Variants in KIFC3 observed in about 807,000 individuals in gnomAD.
KIFC3 encodes kinesin-like protein KIFC3.
Under a neutral mutation model 101.8 loss-of-function variants are expected in KIFC3, and 60 were observed. The ratio of observed to expected loss-of-function variants is 0.59; its 90% CI spans 0.48 to 0.73. KIFC3 has a LOEUF of 0.73. Among genes scored for constraint, KIFC3 ranks in the 30% least tolerant of loss-of-function variants. The probability of loss-of-function intolerance (pLI) is 0.00; values close to 1 mark genes in which losing one functional copy is unlikely to be tolerated. For synonymous variants in KIFC3, 476 were observed against 482.7 expected (o/e 0.99, Z 0.18); for missense variants, 966 against 1,137.1 (o/e 0.85, Z 2.16).
intron 3 of KIFC3, chr16:57,785,422 T>C (rs528159609): frequency 3.2e-4 from 395 of 1,227,160 alleles, no homozygotes; most frequent in African/African-American, 3.0e-3. Flanking sequence ...ACCTGCTCCA[T>C]AGTGGGCAGT....
intron 1 of KIFC3, among the ~76,000 whole-genome samples, chr16:57,842,499 C>T (rs1410651446): frequency 6.6e-6 from 1 of 152,196 alleles, no homozygotes; most frequent in Non-Finnish European, 1.5e-5. Flanking sequence ...GCCTCAGGCT[C>T]CACCATTTTA....
At chr16:57,831,321 C>T (rs1447717027) in intron 1 of KIFC3, among the ~76,000 whole-genome samples, 1 of 152,188 alleles carries the variant, frequency 6.6e-6, no homozygotes, top group Non-Finnish European at 1.5e-5. Flanking sequence ...CAACTCCCAC[C>T]CAGCGCCTTC....
chr16:57,759,640 A>G (rs2049579907), intron 18 of KIFC3, 88 bp downstream of exon 18: 2 of 995,984 alleles, frequency 2.0e-6, no homozygotes, highest in Non-Finnish European at 3.0e-6. Flanking sequence ...TAAAAAGGAA[A>G]GAAAAGAGAA....
At chr16:57,791,658 A>G (rs1225310244) in intron 3 of KIFC3, among the ~76,000 whole-genome samples, 1 of 152,178 alleles carries the variant, frequency 6.6e-6, no homozygotes, top group African/African-American at 2.4e-5. Flanking sequence ...AGAGATCTTC[A>G]GTAGATCTGC....
At chr16:57,851,086 C>G (rs775809452) in intron 1 of KIFC3, among the ~76,000 whole-genome samples, 1 of 151,976 alleles carries the variant, frequency 6.6e-6, no homozygotes, top group Non-Finnish European at 1.5e-5. Context: ...TCACCGCTCA[C>G]TGCAGCCTCA....
intron 1 of KIFC3, chr16:57,816,235 C>T (rs559119936): frequency 4.7e-6 from 6 of 1,288,528 alleles, no homozygotes; most frequent in African/African-American, 1.5e-5. Context: ...AAAACCGAGG[C>T]CCGGAAAGTG....
At chr16:57,775,326 G>C (rs2149019952) in intron 3 of KIFC3, 1 of 1,182,536 alleles carries the variant, frequency 8.5e-7, no homozygotes, top group East Asian at 4.0e-5. Context: ...CAAAGCAGGG[G>C]GAATGTGACT....
chr16:57,795,014 G>C lies in KIFC3; in HGVS notation c.300C>G (p.Leu100=). 6.3e-7 allele frequency: 1 copy of C among 1,592,532 alleles called. No homozygotes were observed. The highest frequency in any genetic ancestry group is 8.5e-7 in the Non-Finnish European group (1 of 1,172,962). Residue 100 remains leucine (L), a synonymous_variant, in exon 3 of 20, where the codon CTC becomes CTG. Transcript: ENST00000445690. The part of the protein sequence containing the change: ...DWAGPGSPHG[L]YLTLQVEHLK... ...CAGTGCTTACCTGCAGGGTCAGGTA[G>C]AGCCCGTGGGGGCTTCCGGGGCCAG... is the stretch of plus-strand genomic sequence containing the variant.
intron 1 of KIFC3, among the ~76,000 whole-genome samples, chr16:57,858,156 G>T (rs1167562393): frequency 6.6e-6 from 1 of 151,962 alleles, no homozygotes; most frequent in Non-Finnish European, 1.5e-5. Flanking sequence ...TGGGCATTTG[G>T]GTTGTTTCCA....
At chr16:57,783,472 C>CTTTTTTTTTTTTTTTTTT (rs146386887) in intron 3 of KIFC3, among the ~76,000 whole-genome samples, 1 of 82,624 alleles carries the variant, frequency 1.2e-5, no homozygotes, top group African/African-American at 3.5e-5. Flanking sequence ...ATTTTCTTTT[C>CTTTTTTTTTTTTTTTTTT]TTTTTTTTTT....
chr16:57,764,355 A>G (rs1223155738), intron 11 of KIFC3, 108 bp from the exon 12 acceptor site: 9 of 653,776 alleles, frequency 1.4e-5, no homozygotes, highest in Non-Finnish European at 2.2e-5. Context: ...CAGCAACACC[A>G]CATCACGTGT....
intron 3 of KIFC3, among the ~76,000 whole-genome samples, chr16:57,780,354 T>C (rs1193211648): frequency 2.0e-5 from 3 of 151,832 alleles, no homozygotes; most frequent in African/African-American, 7.3e-5. Flanking sequence ...CTACTAAAAA[T>C]ACAAAAATTA....
chr16:57,784,469 C>G (rs530498061), intron 3 of KIFC3, among the ~76,000 whole-genome samples: 2 of 152,332 alleles, frequency 1.3e-5, no homozygotes, highest in East Asian at 3.9e-4. Context: ...AAAACGCGCA[C>G]AATATGCTGC....
intron 1 of KIFC3, among the ~76,000 whole-genome samples, chr16:57,832,462 G>A (rs782531046): frequency 2.0e-5 from 3 of 149,656 alleles, no homozygotes; most frequent in Non-Finnish European, 3.0e-5. Flanking sequence ...TAGCTGGGAT[G>A]TGCCATCATA....
At chr16:57,765,387 G>A (rs59615758) in intron 11 of KIFC3, 72 bp downstream of exon 11, 98,903 of 1,436,994 alleles carry the variant, frequency 0.069, 3,586 homozygotes, top group South Asian at 0.089. Flanking sequence ...CCTGCCCAGC[G>A]CCCCCGCTCC....
chr16:57,803,002 C>G, upstream of KIFC3: 1 of 1,535,920 alleles, frequency 6.5e-7, no homozygotes, highest in Non-Finnish European at 8.7e-7. Context: ...CTTGCACGCG[C>G]TGGCGCACAT....
intron 3 of KIFC3, chr16:57,782,151 C>A: frequency 1.0e-6 from 1 of 985,290 alleles, no homozygotes; most frequent in South Asian, 4.7e-5. Flanking sequence ...GCTCACGATG[C>A]ACCACACATT....
intron 3 of KIFC3, chr16:57,775,833 G>C (rs920681495): frequency 1.0e-6 from 1 of 985,442 alleles, no homozygotes; most frequent in Non-Finnish European, 1.2e-6. Context: ...GTCAATCCAG[G>C]GCTGAGGACG....
At chr16:57,802,902 C>T (rs1555626056), upstream of KIFC3, 2 of 1,394,526 alleles carry the variant, frequency 1.4e-6, no homozygotes, top group East Asian at 2.5e-5. The surrounding 1 kb of genome is among the most constrained non-coding windows in gnomAD (Gnocchi z 5.0). Flanking sequence ...ACTTCTCACG[C>T]GGGCTCTCAT....
Sources: allele counts gnomAD v4.1 joint callset (sites outside exome capture counted in the v4.1 genomes callset), GRCh38; gene constraint gnomAD v4.1.1; non-coding constraint Gnocchi (gnomAD v3.1); transcripts MANE v1.5; gene names NCBI Gene and HGNC (gene_info 2026-07-23, HGNC 2026-07-21).